The following CFAP54 variants were observed in gnomAD, a reference collection of about 807,000 sequenced individuals.
The protein encoded by CFAP54 is cilia and flagella associated protein 54, also known as cilia- and flagella-associated protein 54.
CFAP54 carries 290 observed loss-of-function variants against 370.4 expected under a neutral mutation model. The ratio of observed to expected loss-of-function variants is 0.78; its 90% CI spans 0.71 to 0.86. The LOEUF (loss-of-function observed/expected upper bound fraction) is 0.86. CFAP54 is among the 40% of genes least tolerant of loss of function. The pLI, the probability that CFAP54 is intolerant of heterozygous loss-of-function variation, is 0.00. For missense variants in CFAP54, 3,399 were observed against 3,528.7 expected (o/e 0.96, Z 0.93); for synonymous variants, 1,206 against 1,236.5 (o/e 0.98, Z 0.52).
intron 1 of CFAP54, among the ~76,000 whole-genome samples, 171 bp downstream of exon 1, chr12:96,490,097 C>T (rs971587458): frequency 6.6e-6 from 1 of 152,170 alleles, no homozygotes; most frequent in African/African-American, 2.4e-5. Context: ...TCGCTCTTAA[C>T]AATCCTTAAT....
intron 55 of CFAP54, among the ~76,000 whole-genome samples, chr12:96,750,715 A>G (rs1203988787): frequency 6.6e-6 from 1 of 152,152 alleles, no homozygotes; most frequent in Non-Finnish European, 1.5e-5. Context: ...TACTTTTCTG[A>G]CTTACTAATC....
At chr12:96,692,260 A>T (rs1592711221) in intron 44 of CFAP54, among the ~76,000 whole-genome samples, 1 of 152,284 alleles carries the variant, frequency 6.6e-6, no homozygotes, top group East Asian at 1.9e-4. Context: ...TTTATTTTTT[A>T]AAAATAACAA....
At chr12:96,636,889 G>A (rs1956669320) in intron 32 of CFAP54, among the ~76,000 whole-genome samples, 1 of 151,626 alleles carries the variant, frequency 6.6e-6, no homozygotes, top group South Asian at 2.2e-4. Flanking sequence ...ACAAAAAACA[G>A]CTTTATTGAG....
chr12:96,757,516 A>T lies in CFAP54; in HGVS notation c.7968A>T (p.Leu2656=). The change falls in exon 58 of 68, where the codon CTA becomes CTT. Residue 2656 remains leucine, a synonymous_variant. Coordinates refer to ENST00000524981, the MANE Select transcript of CFAP54 (RefSeq NM_001306084.2). ...TTAGATTGATAAGAGACTCCTACCT[A>T]GAAATGGCTCTATTGTATTTTCATC... is the stretch of plus-strand genomic sequence containing the variant. The part of the protein sequence containing the change: ...QNSGLIRDSY[L]EMALLYFHLK... The T allele has an allele frequency of 6.3e-7, 1 of 1,593,692 alleles. No individual in the cohort carries two copies. The highest frequency in any genetic ancestry group is 8.6e-7 in the Non-Finnish European group (1 of 1,164,888).
In CFAP54 at chr12:96,626,793, G is replaced by T; in HGVS notation, c.3977-20G>T. On this transcript the variant is annotated intron_variant, in intron 29 of 67. Transcript: ENST00000524981. Reference sequence around the variant, plus strand: ...ATTGAGTATATTGTTAACTATATATGAACTTCCTTGTTATTACAGTTATGA... The same window carrying T: ...ATTGAGTATATTGTTAACTATATATTAACTTCCTTGTTATTACAGTTATGA... 2 of 1,282,478 alleles carry T rather than the reference G, an allele frequency of 1.6e-6. No individual in the cohort carries two copies. Among genetic ancestry groups the T allele is most frequent in the South Asian group, 3.9e-5 (2 of 50,860 alleles). The allele number at this position is 1,282,478 out of a possible 1,614,324, so 79.4% of individuals were successfully genotyped here.
At chr12:96,789,587 G>A (rs1036808710) in intron 62 of CFAP54, among the ~76,000 whole-genome samples, 1 of 152,154 alleles carries the variant, frequency 6.6e-6, no homozygotes, top group Admixed American at 6.5e-5. Context: ...CTTAAATACT[G>A]TTCTACAAGG....
intron 65 of CFAP54, among the ~76,000 whole-genome samples, chr12:96,826,678 T>G (rs1202688195): frequency 9.2e-6 from 1 of 109,282 alleles, no homozygotes; most frequent in Admixed American, 1.2e-4. Flanking sequence ...ATATATAATA[T>G]ATAATATATT....
rs1349760871 is a variant in CFAP54, at chr12:96,708,754, T to C, written c.6675T>C (p.Phe2225=). ...TAAATTGTGTCCCAGAAAATAAATT[T>C]AAGACAGTAATTACCAACAAGAGCA... The part of the protein sequence containing the change: ...ATINCVPENK[F]KTVITNKSKP... Residue 2225 remains phenylalanine, a synonymous_variant, in exon 48 of 68, where the codon TTT becomes TTC. Coordinates refer to ENST00000524981, the MANE Select transcript of CFAP54 (RefSeq NM_001306084.2). The C allele has an allele frequency of 6.2e-7, 1 of 1,611,260 alleles. No individual in the cohort carries two copies. Among genetic ancestry groups the C allele is most frequent in the South Asian group, 1.1e-5 (1 of 89,854 alleles).
intron 58 of CFAP54, among the ~76,000 whole-genome samples, chr12:96,762,211 C>T (rs774362219): frequency 6.6e-6 from 1 of 152,056 alleles, no homozygotes; most frequent in African/African-American, 2.4e-5. Context: ...GATTGCTTAT[C>T]GCTAGTATAT....
At chr12:96,498,637 G>T (rs1954985988) in intron 1 of CFAP54, among the ~76,000 whole-genome samples, 1 of 152,222 alleles carries the variant, frequency 6.6e-6, no homozygotes. Flanking sequence ...TGGTGACAGA[G>T]TGAGACTCCA....
chr12:96,768,496 T>C (rs1466404012), intron 60 of CFAP54, among the ~76,000 whole-genome samples: 2 of 151,466 alleles, frequency 1.3e-5, no homozygotes, highest in Non-Finnish European at 2.9e-5. Context: ...CTACTAAAAA[T>C]ACAAAAATTA....
intron 67 of CFAP54, among the ~76,000 whole-genome samples, chr12:96,863,529 T>C (rs973376069): frequency 6.6e-6 from 1 of 152,212 alleles, no homozygotes; most frequent in African/African-American, 2.4e-5. Flanking sequence ...TCTTCATCGC[T>C]AAGCTGGCCT....
chr12:96,783,711 A>C (rs1958601748), intron 60 of CFAP54, among the ~76,000 whole-genome samples: 1 of 152,166 alleles, frequency 6.6e-6, no homozygotes, highest in Non-Finnish European at 1.5e-5. Context: ...ACATGGAGAA[A>C]CGCCGTTTCT....
chr12:96,721,617 C>A (rs1957754633), intron 50 of CFAP54, among the ~76,000 whole-genome samples: 1 of 152,148 alleles, frequency 6.6e-6, no homozygotes, highest in Admixed American at 6.5e-5. Context: ...CTGACACATT[C>A]AATAGTGATT....
At chr12:96,530,402 A>G (rs1955429503) in intron 9 of CFAP54, among the ~76,000 whole-genome samples, 1 of 152,218 alleles carries the variant, frequency 6.6e-6, no homozygotes, top group Non-Finnish European at 1.5e-5. Context: ...AGGCAAAAGA[A>G]TCATTTGAAT....
chr12:96,827,786 A>T (rs1959136223), intron 65 of CFAP54, among the ~76,000 whole-genome samples: 2 of 88,540 alleles, frequency 2.3e-5, no homozygotes, highest in Non-Finnish European at 2.1e-5. Flanking sequence ...AGTTATATAT[A>T]ATATATAATT....
intron 66 of CFAP54, among the ~76,000 whole-genome samples, chr12:96,859,501 G>T (rs1283280245): frequency 2.0e-5 from 3 of 152,050 alleles, no homozygotes; most frequent in Non-Finnish European, 4.4e-5. Flanking sequence ...TGCCTCCTGG[G>T]CTCAAGCAAT....
intron 19 of CFAP54, among the ~76,000 whole-genome samples, chr12:96,569,239 C>G (rs1321783440): frequency 1.3e-5 from 2 of 152,184 alleles, no homozygotes; most frequent in African/African-American, 2.4e-5. Context: ...TTTCCCCTTC[C>G]AAACTCATCT....
chr12:96,610,031 T>A (rs1956338736), intron 26 of CFAP54, among the ~76,000 whole-genome samples: 3 of 152,210 alleles, frequency 2.0e-5, no homozygotes, highest in African/African-American at 7.2e-5. Context: ...CTGATTAATT[T>A]AAAAGTTCTC....
Sources: gnomAD v4.1 joint callset for allele counts (sites outside exome capture counted in the v4.1 genomes callset) on GRCh38, gnomAD v4.1.1 for gene constraint, MANE v1.5 for transcripts, NCBI Gene and HGNC (gene_info 2026-07-23, HGNC 2026-07-21) for gene names.